Variants in SOX6 observed in about 807,000 individuals in gnomAD.
SOX6 encodes the protein transcription factor SOX-6.
A neutral mutation model predicts 97.8 loss-of-function variants in SOX6; 11 were observed. The ratio of observed to expected loss-of-function variants is 0.11; its 90% CI spans 0.07 to 0.19. SOX6 has a LOEUF of 0.19. Ranked by LOEUF, SOX6 falls within the 10% of genes least tolerant of loss-of-function variation. The pLI is 1.00. For synonymous variants in SOX6, 360 were observed against 371.4 expected, an observed-to-expected ratio of 0.97 and a Z score of 0.35; for missense variants, 810 against 1,039.5, an observed-to-expected ratio of 0.78 and a Z score of 3.04.
intron 1 of SOX6, among the ~76,000 whole-genome samples, chr11:16,349,275 A>T (rs1856845630): frequency 6.6e-6 from 1 of 152,108 alleles, no homozygotes; most frequent in Non-Finnish European, 1.5e-5. Context: ...AAATACTCTA[A>T]ATATAGGGGC....
chr11:16,288,032 C>A (rs192850163), intron 3 of SOX6, among the ~76,000 whole-genome samples: 3 of 152,248 alleles, frequency 2.0e-5, no homozygotes, highest in Non-Finnish European at 4.4e-5. Context: ...CATATATATC[C>A]TTCAGGCTTT....
At chr11:16,079,734 C>T (rs1254458151) in intron 9 of SOX6, among the ~76,000 whole-genome samples, 1 of 151,924 alleles carries the variant, frequency 6.6e-6, no homozygotes, top group Non-Finnish European at 1.5e-5. Flanking sequence ...ATGTTTTACC[C>T]CATTTCAAGG....
At chr11:16,291,229 T>TTATA (rs10529279) in intron 3 of SOX6, among the ~76,000 whole-genome samples, 29 of 143,588 alleles carry the variant, frequency 2.0e-4, no homozygotes, top group African/African-American at 7.7e-4. Flanking sequence ...TTCTATAAAT[T>TTATA]TATATATATA....
At chr11:16,374,443 A>G (rs1374660810) in intron 1 of SOX6, among the ~76,000 whole-genome samples, 1 of 152,062 alleles carries the variant, frequency 6.6e-6, no homozygotes, top group Non-Finnish European at 1.5e-5. Flanking sequence ...AATGATGGCA[A>G]TGTATTTCAA....
chr11:16,151,219 T>C (rs1850449835), intron 6 of SOX6, among the ~76,000 whole-genome samples: 1 of 152,174 alleles, frequency 6.6e-6, no homozygotes, highest in Non-Finnish European at 1.5e-5. Context: ...CAAACGATTT[T>C]GAGAAGTTCT....
chr11:16,219,824 C>T (rs1393357027), intron 4 of SOX6, among the ~76,000 whole-genome samples: 2 of 151,882 alleles, frequency 1.3e-5, no homozygotes, highest in Non-Finnish European at 2.9e-5. Flanking sequence ...AGAACAGACT[C>T]TAAACTAAAG....
At chr11:16,038,495 A>T (rs1352067689) in intron 12 of SOX6, among the ~76,000 whole-genome samples, 2 of 152,066 alleles carry the variant, frequency 1.3e-5, no homozygotes, top group Non-Finnish European at 2.9e-5. Flanking sequence ...AAGAGGGAGG[A>T]AGGGAGTAAG....
intron 4 of SOX6, among the ~76,000 whole-genome samples, chr11:16,201,489 C>A (rs1271624980): frequency 1.3e-5 from 2 of 150,308 alleles, no homozygotes; most frequent in African/African-American, 4.9e-5. Flanking sequence ...TCATAATAAA[C>A]AAATATATAA....
At chr11:16,223,348 T>C (rs1262611547) in intron 4 of SOX6, among the ~76,000 whole-genome samples, 1 of 152,096 alleles carries the variant, frequency 6.6e-6, no homozygotes, top group Non-Finnish European at 1.5e-5. Context: ...GATAAGAAAA[T>C]GCTACAAAAA....
intron 4 of SOX6, among the ~76,000 whole-genome samples, chr11:16,486,637 A>G (rs1354114402): frequency 1.3e-5 from 2 of 152,012 alleles, no homozygotes; most frequent in East Asian, 3.9e-4. Context: ...AAGGTGGGCG[A>G]ATCACTTGAG....
At chr11:16,583,638 C>CATATATATATATATATAT (rs1329710047) in intron 4 of SOX6, among the ~76,000 whole-genome samples, 34 of 104,534 alleles carry the variant, frequency 3.3e-4, no homozygotes, top group Middle Eastern at 5.0e-3. Flanking sequence ...TATATATATA[C>CATATATATATATATATAT]ACATACACAC....
intron 3 of SOX6, among the ~76,000 whole-genome samples, chr11:16,256,260 A>G (rs1446665775): frequency 6.6e-6 from 1 of 151,994 alleles, no homozygotes; most frequent in Non-Finnish European, 1.5e-5. Context: ...AATAAAAACC[A>G]TACATCAGTA....
intron 3 of SOX6, among the ~76,000 whole-genome samples, chr11:16,614,997 A>G (rs1416257880): frequency 1.3e-5 from 2 of 152,210 alleles, no homozygotes; most frequent in Non-Finnish European, 2.9e-5. Flanking sequence ...CCCGATGCTA[A>G]TGGACAACAA....
intron 1 of SOX6, among the ~76,000 whole-genome samples, chr11:16,374,226 C>T (rs1034079828): frequency 6.6e-6 from 1 of 151,970 alleles, no homozygotes; most frequent in Non-Finnish European, 1.5e-5. Flanking sequence ...CACTAAAACC[C>T]CATGGAAGTA....
intron 3 of SOX6, among the ~76,000 whole-genome samples, chr11:16,690,018 G>A (rs565511267): frequency 2.0e-5 from 3 of 151,186 alleles, no homozygotes; most frequent in Non-Finnish European, 2.9e-5. Context: ...TCCGCCTCTC[G>A]GGTTCAAGCA....
At chr11:16,102,848 T>C (rs1224811784) in intron 7 of SOX6, among the ~76,000 whole-genome samples, 1 of 151,880 alleles carries the variant, frequency 6.6e-6, no homozygotes, top group Non-Finnish European at 1.5e-5. Flanking sequence ...TGGATCCTCA[T>C]CTCTCACCTT....
intron 4 of SOX6, among the ~76,000 whole-genome samples, chr11:16,512,240 G>C (rs1860892570): frequency 1.3e-5 from 2 of 152,156 alleles, no homozygotes; most frequent in South Asian, 4.1e-4. Context: ...AGTCACAGAA[G>C]TACTGGGGGA....
chr11:16,153,665 T>C (rs1431363831), intron 6 of SOX6, among the ~76,000 whole-genome samples: 1 of 152,104 alleles, frequency 6.6e-6, no homozygotes, highest in East Asian at 1.9e-4. Context: ...GTAATGACCA[T>C]CGAACTCTGG....
chr11:16,506,133 T>C (rs549029564), intron 4 of SOX6, among the ~76,000 whole-genome samples: 274 of 152,264 alleles, frequency 1.8e-3, no homozygotes, highest in African/African-American at 5.2e-3. Context: ...ACAACTTGCA[T>C]TGTGCACCTG....
Sources: allele counts gnomAD v4.1 joint callset (sites outside exome capture counted in the v4.1 genomes callset), GRCh38; gene constraint gnomAD v4.1.1; transcripts MANE v1.5; gene names NCBI Gene and HGNC (gene_info 2026-07-23, HGNC 2026-07-21).